The following FBN1 variants were observed in gnomAD, a reference collection of about 807,000 sequenced individuals.
The protein encoded by FBN1 is fibrillin-1.
Under a neutral mutation model 365.1 loss-of-function variants are expected in FBN1, and 29 were observed. That is an observed-to-expected ratio of 0.08 (90% CI 0.06 to 0.11). FBN1 has a LOEUF of 0.11. Ranked by LOEUF, FBN1 falls within the 10% of genes least tolerant of loss-of-function variation. FBN1 has a pLI of 1.00. For missense variants in FBN1, 2,476 were observed against 3,703.2 expected, an observed-to-expected ratio of 0.67 and a Z score of 8.60; for synonymous variants, 1,210 against 1,270.5, an observed-to-expected ratio of 0.95 and a Z score of 1.01.
At chr15:48,643,948 A>G (rs188141180) in intron 2 of FBN1, 2 of 152,532 alleles carry the variant, frequency 1.3e-5, no homozygotes, top group Admixed American at 1.3e-4. Flanking sequence ...ACACAACACA[A>G]ACACCACTAG....
intron 17 of FBN1, among the ~76,000 whole-genome samples, chr15:48,502,330 G>A (rs1356092896): frequency 6.6e-6 from 1 of 152,166 alleles, no homozygotes; most frequent in Non-Finnish European, 1.5e-5. Context: ...ACAGGTGTGA[G>A]GCACCATGCC....
chr15:48,507,903 CCA>C (rs1457145015), intron 15 of FBN1, among the ~76,000 whole-genome samples: 1 of 152,094 alleles, frequency 6.6e-6, no homozygotes, highest in Non-Finnish European at 1.5e-5. Flanking sequence ...AAATTTGTCT[CCA>C]GTAACTTTTC....
intron 35 of FBN1, 25 bp from the exon 36 acceptor site, chr15:48,470,781 A>C: frequency 6.2e-7 from 1 of 1,612,154 alleles, no homozygotes; most frequent in Non-Finnish European, 8.5e-7. Flanking sequence ...GAAAAAAGCA[A>C]AAAACTTAAC....
chr15:48,614,870 G>C (rs556183268), intron 2 of FBN1, among the ~76,000 whole-genome samples: 2 of 152,206 alleles, frequency 1.3e-5, no homozygotes, highest in African/African-American at 4.8e-5. Flanking sequence ...TTCTGACCCA[G>C]GTTACTCAGC....
intron 44 of FBN1, among the ~76,000 whole-genome samples, chr15:48,453,790 A>C (rs895996690): frequency 6.6e-6 from 1 of 152,104 alleles, no homozygotes; most frequent in African/African-American, 2.4e-5. Context: ...CTTCTTCTCA[A>C]TATCGCTGTG....
intron 44 of FBN1, 64 bp downstream of exon 44, chr15:48,456,573 T>G: frequency 1.9e-6 from 3 of 1,545,400 alleles, no homozygotes; most frequent in Non-Finnish European, 2.7e-6. Flanking sequence ...ATTCGCCAAG[T>G]GTGTATCAAG....
chr15:48,567,922 G>C (rs1455781150), intron 6 of FBN1, among the ~76,000 whole-genome samples: 2 of 151,348 alleles, frequency 1.3e-5, no homozygotes, highest in African/African-American at 2.4e-5. Flanking sequence ...ATCAGTTCTT[G>C]TTACTTCTAT....
chr15:48,432,286 A>G (rs1385738813), intron 55 of FBN1, among the ~76,000 whole-genome samples: 2 of 152,244 alleles, frequency 1.3e-5, no homozygotes, highest in East Asian at 3.8e-4. Flanking sequence ...CATTTAAGAT[A>G]TTGACAGGAG....
chr15:48,469,795 G>A lies in FBN1; in HGVS notation c.4459+839C>T, dbSNP rs751296861. Reference sequence around the variant, plus strand: ...TGGAGAGGGGGACTTCCTGAGGCATGCAAGAGACCCAGCCTGGTCTCGTAA... The same window carrying A: ...TGGAGAGGGGGACTTCCTGAGGCATACAAGAGACCCAGCCTGGTCTCGTAA... On this transcript the variant is annotated intron_variant, in intron 36 of 65. Transcript: ENST00000316623. Among the ~76,000 whole-genome samples the A allele has an allele frequency of 5.9e-5, 9 of 152,098 alleles. No homozygotes were observed. In the South Asian group the frequency reaches 6.2e-4, roughly 11 times the overall value.
At chr15:48,484,335 C>T (rs1312151056) in intron 30 of FBN1, among the ~76,000 whole-genome samples, 4 of 151,968 alleles carry the variant, frequency 2.6e-5, no homozygotes, top group Admixed American at 2.6e-4. Context: ...AATAACCATA[C>T]CTACTTAGAT....
chr15:48,488,139 C>G lies in FBN1; in HGVS notation c.3311G>C (p.Gly1104Ala). The G allele has an allele frequency of 6.2e-7, 1 of 1,614,196 alleles. No homozygotes were observed. Among genetic ancestry groups the G allele is most frequent in the South Asian group, 1.1e-5 (1 of 91,074 alleles). Residue 1104 changes from glycine to alanine, a missense_variant, in exon 27 of 66, where the codon GGA becomes GCA. By Grantham distance (60) the Gly-to-Ala change is moderately conservative (BLOSUM62 0). Transcript: ENST00000316623. ...ECKCDEGYESGFMMMKNCMDI... is the reference protein window; with the variant it reads ...ECKCDEGYESAFMMMKNCMDI... ...CATGCAGTTCTTCATCATCATGAAT[C>G]CACTTTCATAGCCTTCGTCACACTT...
intron 7 of FBN1, among the ~76,000 whole-genome samples, chr15:48,537,046 C>A (rs373655780): frequency 1.2e-3 from 180 of 152,208 alleles, no homozygotes; most frequent in African/African-American, 4.0e-3. Flanking sequence ...AAGCCAAAAA[C>A]AGAGTAAGGG....
chr15:48,643,095 A>C (rs759373685), intron 2 of FBN1: 1 of 152,260 alleles, frequency 6.6e-6, no homozygotes, highest in Non-Finnish European at 1.5e-5. Context: ...TATATACAGG[A>C]GCAATCCTAT....
intron 17 of FBN1, among the ~76,000 whole-genome samples, 154 bp from the exon 18 acceptor site, chr15:48,499,192 C>T (rs1218531271): frequency 1.3e-5 from 2 of 152,166 alleles, no homozygotes; most frequent in Non-Finnish European, 2.9e-5. Flanking sequence ...GTCACCTTTA[C>T]ACCAGGCTCC....
At chr15:48,597,536 C>T (rs1219173512) in intron 5 of FBN1, among the ~76,000 whole-genome samples, 2 of 152,196 alleles carry the variant, frequency 1.3e-5, no homozygotes, top group African/African-American at 4.8e-5. Context: ...ATCAGACAGG[C>T]ATCATGGTCT....
intron 6 of FBN1, among the ~76,000 whole-genome samples, chr15:48,594,734 T>C (rs907134265): frequency 1.3e-5 from 2 of 152,166 alleles, no homozygotes; most frequent in African/African-American, 2.4e-5. Flanking sequence ...GTTAAAATGG[T>C]TACAGGTAAA....
At chr15:48,430,632 C>A (rs1352122699) in intron 56 of FBN1, 39 bp downstream of exon 56, 2 of 1,612,502 alleles carry the variant, frequency 1.2e-6, no homozygotes, top group Non-Finnish European at 1.7e-6. Flanking sequence ...ACTGTCACTT[C>A]TGATGCACTC....
chr15:48,550,733 G>A (rs2044134554), intron 6 of FBN1, among the ~76,000 whole-genome samples: 1 of 152,026 alleles, frequency 6.6e-6, no homozygotes, highest in African/African-American at 2.4e-5. Context: ...TACCTGGAAT[G>A]CCTTTCCTCT....
chr15:48,548,907 AAC>A (rs1028766035), intron 6 of FBN1, among the ~76,000 whole-genome samples: 3 of 152,212 alleles, frequency 2.0e-5, no homozygotes, highest in African/African-American at 7.2e-5. Flanking sequence ...GAATTTTCCA[AAC>A]CTTTAAGGGT....
Sources: gnomAD v4.1 joint callset for allele counts (sites outside exome capture counted in the v4.1 genomes callset) on GRCh38, gnomAD v4.1.1 for gene constraint, MANE v1.5 for transcripts, NCBI Gene and HGNC (gene_info 2026-07-23, HGNC 2026-07-21) for gene names.